The following CDC37L1 variants were observed in gnomAD, a reference collection of about 807,000 sequenced individuals.
CDC37L1 encodes hsp90 co-chaperone Cdc37-like 1.
CDC37L1 carries 32 observed loss-of-function variants against 45.9 expected under a neutral mutation model. The ratio of observed to expected loss-of-function variants is 0.70; its 90% CI spans 0.53 to 0.94. The LOEUF is 0.94. CDC37L1 is among the 40% of genes least tolerant of loss of function. CDC37L1 has a pLI of 0.00. For synonymous variants in CDC37L1, 150 were observed against 133.0 expected (o/e 1.13, Z -0.88); for missense variants, 434 against 405.7 (o/e 1.07, Z -0.60).
At chr9:4,690,051 C>G (rs1256505683) in intron 3 of CDC37L1, among the ~76,000 whole-genome samples, 1 of 152,178 alleles carries the variant, frequency 6.6e-6, no homozygotes, top group African/African-American at 2.4e-5. Flanking sequence ...AGGAAAATAT[C>G]CAAATATCAC....
intron 5 of CDC37L1, among the ~76,000 whole-genome samples, chr9:4,699,610 A>G (rs1443426347): frequency 6.6e-6 from 1 of 152,190 alleles, no homozygotes; most frequent in Non-Finnish European, 1.5e-5. Context: ...GCAGAACTAA[A>G]TAATATATTG....
chr9:4,681,320 C>G (rs1315840394), intron 1 of CDC37L1, among the ~76,000 whole-genome samples: 1 of 152,174 alleles, frequency 6.6e-6, no homozygotes, highest in Non-Finnish European at 1.5e-5. Context: ...AAGCTTATCT[C>G]TCTCATTAAA....
Position 4,706,083 on chromosome 9 carries a change from G to T in CDC37L1, c.985G>T (p.Asp329Tyr), listed in dbSNP as rs780990028. 1.3e-6 allele frequency: 2 copies of T among 1,596,224 alleles called. No homozygotes were observed. Among genetic ancestry groups the T allele is most frequent in the East Asian group, 2.2e-5 (1 of 44,720 alleles). Reference sequence around the variant, plus strand: ...AAACTCGGTGGTACATAAAGAAGATGATGAACCCAAAATGATGGACACTGT... The same window carrying T: ...AAACTCGGTGGTACATAAAGAAGATTATGAACCCAAAATGATGGACACTGT... Reference protein sequence around the residue: ...SLNSVVHKEDDEPKMMDTV With the variant: ...SLNSVVHKEDYEPKMMDTV Residue 329 changes from aspartate (D) to tyrosine (Y), a missense_variant, in exon 7 of 7, where the codon GAT becomes TAT. Asp to Tyr is a radical substitution (Grantham distance 160, BLOSUM62 -3). Coordinates refer to ENST00000381854, the MANE Select transcript of CDC37L1 (RefSeq NM_017913.4).
chr9:4,688,233 C>T (rs1279203037), intron 2 of CDC37L1, among the ~76,000 whole-genome samples: 2 of 152,142 alleles, frequency 1.3e-5, no homozygotes, highest in Non-Finnish European at 2.9e-5. Flanking sequence ...CTCCTGACCT[C>T]GTGATCCACC....
At chr9:4,696,968 A>T (rs1841353578) in intron 3 of CDC37L1, 128 bp from the exon 4 acceptor site, 1 of 585,286 alleles carries the variant, frequency 1.7e-6, no homozygotes, top group Non-Finnish European at 3.0e-6. Context: ...GGTAATATGA[A>T]TTGTCTTTAA....
intron 5 of CDC37L1, among the ~76,000 whole-genome samples, chr9:4,699,837 A>G (rs1841381229): frequency 6.6e-6 from 1 of 152,174 alleles, no homozygotes; most frequent in Non-Finnish European, 1.5e-5. Flanking sequence ...TCTTCTGCAC[A>G]TAGGATATAT....
intron 1 of CDC37L1, among the ~76,000 whole-genome samples, chr9:4,683,006 T>C (rs919114866): frequency 7.1e-6 from 1 of 139,864 alleles, no homozygotes; most frequent in Admixed American, 7.2e-5. Flanking sequence ...TAAAATATAA[T>C]ATATATATTA....
At chr9:4,703,942 G>A (rs1236098092) in intron 6 of CDC37L1, among the ~76,000 whole-genome samples, 1 of 152,072 alleles carries the variant, frequency 6.6e-6, no homozygotes, top group African/African-American at 2.4e-5. Context: ...AATTCCTTAT[G>A]GTAAGTAATT....
chr9:4,688,508 CT>C lies in CDC37L1; in HGVS notation c.415-3del. ...CTGATTTAAATTTCTAAAATTTTTTCTTAGAGTTTTATTAATCAAGATAAAA... is the reference window on the plus strand; with the variant it reads ...CTGATTTAAATTTCTAAAATTTTTTCTAGAGTTTTATTAATCAAGATAAAA... On this transcript the variant is annotated splice_polypyrimidine_tract_variant and splice_region_variant and intron_variant, in intron 2 of 6. Coordinates refer to ENST00000381854, the MANE Select transcript of CDC37L1 (RefSeq NM_017913.4). 1 of 1,392,406 alleles carries C rather than the reference CT, an allele frequency of 7.2e-7. No homozygotes were observed. Among genetic ancestry groups the C allele is most frequent in the East Asian group, 2.5e-5 (1 of 40,180 alleles). 86.3% of individuals were successfully genotyped at this position (1,392,406 alleles called of 1,614,324 possible).
At chr9:4,687,664 G>A (rs1403283716) in intron 2 of CDC37L1, among the ~76,000 whole-genome samples, 15 of 108,376 alleles carry the variant, frequency 1.4e-4, no homozygotes, top group Non-Finnish European at 2.5e-4. Context: ...GGGTGACAGA[G>A]CAAGACCCCA....
intron 5 of CDC37L1, among the ~76,000 whole-genome samples, chr9:4,699,282 T>C (rs1841376707): frequency 6.6e-6 from 1 of 152,200 alleles, no homozygotes; most frequent in Admixed American, 6.5e-5. Context: ...TGTTTGAGCA[T>C]CGACATGACA....
intron 3 of CDC37L1, among the ~76,000 whole-genome samples, chr9:4,692,990 G>A (rs1331598560): frequency 3.3e-5 from 5 of 152,100 alleles, no homozygotes; most frequent in South Asian, 2.1e-4. Context: ...AGGCATATCA[G>A]TAGAAATGCA....
chr9:4,684,661 T>C (rs1287106296), intron 1 of CDC37L1, among the ~76,000 whole-genome samples: 1 of 152,240 alleles, frequency 6.6e-6, no homozygotes, highest in African/African-American at 2.4e-5. Flanking sequence ...TTGTTGCTGT[T>C]AGTTGTCAGG....
chr9:4,686,237 T>C (rs987975062), intron 2 of CDC37L1, among the ~76,000 whole-genome samples: 4 of 152,208 alleles, frequency 2.6e-5, no homozygotes, highest in Non-Finnish European at 4.4e-5. Context: ...TGCCTTTCCC[T>C]GGACCAGCTC....
At chr9:4,698,481 C>G (rs1805312522) in intron 5 of CDC37L1, among the ~76,000 whole-genome samples, 1 of 150,426 alleles carries the variant, frequency 6.6e-6, no homozygotes, top group African/African-American at 2.5e-5. Context: ...AAATAGATGT[C>G]TAGAAAGATT....
chr9:4,689,797 C>T (rs1208630791), intron 3 of CDC37L1, among the ~76,000 whole-genome samples: 1 of 152,188 alleles, frequency 6.6e-6, no homozygotes, highest in African/African-American at 2.4e-5. Context: ...TGAATTGCCA[C>T]TCCCGCCTAC....
At chr9:4,701,563 G>C (rs1841396139) in intron 5 of CDC37L1, among the ~76,000 whole-genome samples, 1 of 151,614 alleles carries the variant, frequency 6.6e-6, no homozygotes, top group Non-Finnish European at 1.5e-5. Flanking sequence ...ATCTAGATAA[G>C]TCAAGGAAAA....
chr9:4,699,666 A>G (rs1841379863), intron 5 of CDC37L1, among the ~76,000 whole-genome samples: 1 of 152,176 alleles, frequency 6.6e-6, no homozygotes, highest in African/African-American at 2.4e-5. Context: ...GCAAAGGAAT[A>G]ATTAAGAAGA....
At chr9:4,693,798 T>G (rs1011924280) in intron 3 of CDC37L1, among the ~76,000 whole-genome samples, 4 of 152,234 alleles carry the variant, frequency 2.6e-5, no homozygotes, top group African/African-American at 9.6e-5. Flanking sequence ...GGCACTGTTC[T>G]AAGTGCTTTA....
Sources: allele counts gnomAD v4.1 joint callset (sites outside exome capture counted in the v4.1 genomes callset), GRCh38; gene constraint gnomAD v4.1.1; transcripts MANE v1.5; gene names NCBI Gene and HGNC (gene_info 2026-07-23, HGNC 2026-07-21).